The following LRRTM4 variants were observed in gnomAD, a reference collection of about 807,000 sequenced individuals.
LRRTM4 encodes the protein leucine rich repeat transmembrane neuronal 4.
In LRRTM4, 25 loss-of-function variants were observed where a neutral mutation model predicts 47.6. The observed-to-expected ratio is 0.53, with a 90% CI of 0.38 to 0.73. LRRTM4 has a LOEUF of 0.73. Ranked by LOEUF, LRRTM4 falls within the 30% of genes least tolerant of loss-of-function variation. LRRTM4 has a pLI of 0.00. For synonymous variants in LRRTM4, 311 were observed against 269.5 expected (o/e 1.15, Z -1.51); for missense variants, 638 against 713.4 (o/e 0.89, Z 1.20).
intron 3 of LRRTM4, among the ~76,000 whole-genome samples, chr2:77,002,980 C>A (rs1677488049): frequency 6.7e-6 from 1 of 149,102 alleles, no homozygotes; most frequent in African/African-American, 2.6e-5. Context: ...GAGCAAGGAA[C>A]TTATTTGTCT....
chr2:77,119,300 T>G (rs887064759), intron 3 of LRRTM4, among the ~76,000 whole-genome samples: 2 of 151,850 alleles, frequency 1.3e-5, no homozygotes, highest in Admixed American at 6.6e-5. Context: ...CACTGCTTCA[T>G]TGACGTTGAT....
chr2:77,052,178 CAG>C (rs1423971839), intron 3 of LRRTM4, among the ~76,000 whole-genome samples: 2 of 64,800 alleles, frequency 3.1e-5, no homozygotes, highest in African/African-American at 1.9e-4. Flanking sequence ...TTTTTTGAGA[CAG>C]AGTTTTGCTC....
intron 3 of LRRTM4, among the ~76,000 whole-genome samples, chr2:77,042,028 T>C (rs940843834): frequency 1.3e-5 from 2 of 151,352 alleles, no homozygotes; most frequent in Non-Finnish European, 3.0e-5. Flanking sequence ...AACAACCGAA[T>C]GCAATGTGTA....
intron 3 of LRRTM4, chr2:77,517,674 AGAAAGTAG>A: frequency 3.1e-6 from 3 of 974,124 alleles, no homozygotes; most frequent in Non-Finnish European, 3.6e-6. Context: ...AAGGAGTGAA[AGAAAGTAG>A]GAAAGAAGGA....
chr2:77,131,715 A>C (rs1671807708), intron 3 of LRRTM4, among the ~76,000 whole-genome samples: 1 of 152,178 alleles, frequency 6.6e-6, no homozygotes, highest in African/African-American at 2.4e-5. Flanking sequence ...TGCTATTTGT[A>C]AAGGTAAGAT....
At chr2:77,234,469 T>G (rs1001752773) in intron 3 of LRRTM4, among the ~76,000 whole-genome samples, 1 of 152,204 alleles carries the variant, frequency 6.6e-6, no homozygotes, top group East Asian at 1.9e-4. Flanking sequence ...AATGTAGCTT[T>G]GCTTAGTTTC....
At chr2:76,964,795 A>T (rs889947341) in intron 3 of LRRTM4, among the ~76,000 whole-genome samples, 1 of 150,910 alleles carries the variant, frequency 6.6e-6, no homozygotes, top group African/African-American at 2.4e-5. Context: ...ATGAAATAAA[A>T]AACAATTAAT....
chr2:76,887,471 A>C (rs1214001261), intron 3 of LRRTM4, among the ~76,000 whole-genome samples: 1 of 151,070 alleles, frequency 6.6e-6, no homozygotes, highest in East Asian at 1.9e-4. Context: ...AAAACTTGTA[A>C]CATTTAGTGC....
intron 3 of LRRTM4, among the ~76,000 whole-genome samples, chr2:76,753,617 CA>C (rs2104059895): frequency 6.6e-6 from 1 of 151,890 alleles, no homozygotes; most frequent in Non-Finnish European, 1.5e-5. Context: ...GTTAGTAATT[CA>C]AAAAGAGAAG....
chr2:76,826,946 G>C (rs1356070752), intron 3 of LRRTM4, among the ~76,000 whole-genome samples: 2 of 151,934 alleles, frequency 1.3e-5, no homozygotes, highest in Admixed American at 1.3e-4. Flanking sequence ...GGCACATTAA[G>C]CTTTGATTCA....
chr2:76,868,283 T>C (rs1359563152), intron 3 of LRRTM4, among the ~76,000 whole-genome samples: 1 of 152,216 alleles, frequency 6.6e-6, no homozygotes, highest in African/African-American at 2.4e-5. Context: ...AGTTTATGAA[T>C]GTGTCAGACA....
At chr2:77,072,241 A>T (rs183963999) in intron 3 of LRRTM4, among the ~76,000 whole-genome samples, 2 of 152,292 alleles carry the variant, frequency 1.3e-5, no homozygotes, top group African/African-American at 4.8e-5. Context: ...TAAATCAACT[A>T]ATTACAGTTC....
chr2:77,191,682 G>C (rs1002903910), intron 3 of LRRTM4, among the ~76,000 whole-genome samples: 3 of 151,840 alleles, frequency 2.0e-5, no homozygotes, highest in Non-Finnish European at 2.9e-5. Context: ...ATTTGTCTTA[G>C]CTGACTTAGA....
In LRRTM4 at chr2:76,874,760, C is replaced by T. The variant is rs527866302; in HGVS notation, c.1552-125844G>A. On this transcript the variant is annotated intron_variant, in intron 3 of 3. Transcript: ENST00000409884. ...TCCTAGAAATAGAATAGCTTTCAGG[C>T]TCTTGATACTAGACCCTGGCTATTT... Among the ~76,000 whole-genome samples, 131 of 151,940 alleles carry T rather than the reference C, an allele frequency of 8.6e-4. 2 individuals carry two copies. The highest frequency in any genetic ancestry group is 3.0e-3 in the African/African-American group (124 of 41,428).
intron 3 of LRRTM4, among the ~76,000 whole-genome samples, chr2:76,802,453 T>C (rs1429195458): frequency 2.0e-5 from 3 of 151,894 alleles, no homozygotes; most frequent in African/African-American, 7.3e-5. Context: ...AAATAATTGA[T>C]AAAATAAATG....
intron 3 of LRRTM4, among the ~76,000 whole-genome samples, chr2:76,915,723 T>C (rs758336242): frequency 3.9e-5 from 6 of 152,064 alleles, no homozygotes; most frequent in African/African-American, 1.2e-4. Flanking sequence ...TTTGAGCAAA[T>C]AAGTAAAAAA....
At chr2:77,188,733 G>C (rs1238048736) in intron 3 of LRRTM4, among the ~76,000 whole-genome samples, 1 of 152,138 alleles carries the variant, frequency 6.6e-6, no homozygotes, top group Non-Finnish European at 1.5e-5. Flanking sequence ...CTTTTCAATA[G>C]AATGTCTTGG....
chr2:77,173,441 A>G (rs1439066055), intron 3 of LRRTM4, among the ~76,000 whole-genome samples: 1 of 152,096 alleles, frequency 6.6e-6, no homozygotes, highest in Non-Finnish European at 1.5e-5. Context: ...TTCCTGACAT[A>G]TATTTAGCCT....
chr2:77,273,146 C>T (rs971232465), intron 3 of LRRTM4, among the ~76,000 whole-genome samples: 4 of 152,068 alleles, frequency 2.6e-5, no homozygotes, highest in Admixed American at 1.3e-4. Context: ...AGTCAATATC[C>T]TTAATTTAAT....
Sources: allele counts gnomAD v4.1 joint callset (sites outside exome capture counted in the v4.1 genomes callset), GRCh38; gene constraint gnomAD v4.1.1; transcripts MANE v1.5; gene names NCBI Gene and HGNC (gene_info 2026-07-23, HGNC 2026-07-21).